The following LMO3 variants were observed in gnomAD, a reference collection of about 807,000 sequenced individuals.
The protein encoded by LMO3 is LIM domain only 3, also known as LIM domain only protein 3.
Under a neutral mutation model 15.8 loss-of-function variants are expected in LMO3, and 2 were observed. The ratio of observed to expected loss-of-function variants is 0.13; its 90% CI spans 0.05 to 0.40. The LOEUF (loss-of-function observed/expected upper bound fraction) is 0.40, where lower values mean the gene tolerates loss of function less well. Among genes scored for constraint, LMO3 ranks in the 10% least tolerant of loss-of-function variants. The pLI is 0.99. For synonymous variants in LMO3, 62 were observed against 63.8 expected (o/e 0.97, Z 0.13); for missense variants, 86 against 182.2 (o/e 0.47, Z 3.04).
upstream of LMO3, chr12:16,608,472 C>CGGTGACAT (rs1240642976): frequency 6.6e-6 from 1 of 152,116 alleles, no homozygotes; most frequent in African/African-American, 2.4e-5. This position sits in a 1 kb window ranked among gnomAD's most constrained non-coding sequence, Gnocchi z 4.1. Flanking sequence ...CCTCTGCCTA[C>CGGTGACAT]GGTGACATCA....
chr12:16,604,816 G>C lies in LMO3; in HGVS notation c.-9+1250C>G. On this transcript the variant is annotated intron_variant, in intron 1 of 3. Coordinates refer to ENST00000537304, the MANE Select transcript of LMO3 (RefSeq NM_018640.5). The surrounding 1 kb of genome is among the most constrained non-coding windows in gnomAD (Gnocchi z 5.3). ...AAGCAGAAAGGCTTTTGAGCGGCCA[G>C]GAGTGCAGAGCGCCAGCAAAGTGCA... 2 of 1,586,986 alleles carry C rather than the reference G, an allele frequency of 1.3e-6. No homozygotes were observed. Among genetic ancestry groups the C allele is most frequent in the South Asian group, 2.2e-5 (2 of 90,800 alleles).
At position 16,598,942 on chromosome 12, in the gene LMO3, A is replaced by C. The variant is rs1332122666; in HGVS notation, c.206+1713T>G. On this transcript the variant is annotated intron_variant, in intron 2 of 3. Coordinates refer to ENST00000537304, the MANE Select transcript of LMO3 (RefSeq NM_018640.5). This position sits in a 1 kb window ranked among gnomAD's most constrained non-coding sequence, Gnocchi z 4.3. ...GGGCTATATAAACTCCTTATTTGAA[A>C]TGGTAACATAAATCCACTTGAGATA... 1 of 314,114 alleles carries C rather than the reference A, an allele frequency of 3.2e-6. No homozygotes were observed. The highest frequency in any genetic ancestry group is 2.2e-5 in the African/African-American group (1 of 45,440). 19.5% of individuals were successfully genotyped at this position (314,114 alleles called of 1,614,324 possible). A position where few individuals can be genotyped will look rare whatever the true frequency, so the allele number is the denominator to read the frequency against.
rs149064646 is a variant in LMO3, at chr12:16,587,919, C to G, written c.206+12736G>C. ...TGCTACATTTCTCATGAAAGAAAAC[C>G]TTGATTTAATTTTAAATGAACAAAA... On this transcript the variant is annotated intron_variant, in intron 2 of 3. Transcript: ENST00000537304. This position sits in a 1 kb window ranked among gnomAD's most constrained non-coding sequence, Gnocchi z 4.3. 6.6e-6 allele frequency among the ~76,000 whole-genome samples: 1 copy of G among 152,152 alleles called. No homozygotes were observed. Among genetic ancestry groups the G allele is most frequent in the African/African-American group, 2.4e-5 (1 of 41,522 alleles).
chr12:16,567,698 C>T (rs2137402900), intron 2 of LMO3: 1 of 152,184 alleles, frequency 6.6e-6, no homozygotes, highest in Admixed American at 6.5e-5. Flanking sequence ...GTAGAGAAAC[C>T]TACACAGCCT....
Position 16,549,236 on chromosome 12 carries a change from A to C in LMO3, c.*1986T>G, listed in dbSNP as rs1391341792. ...TTGGTTATGCAAGTCCTTTCTCTTC[A>C]TGAAACAAGTGTAAGGCTCTAAGGC... On this transcript the variant is annotated 3_prime_UTR_variant, in exon 4 of 4. Coordinates refer to ENST00000537304, the MANE Select transcript of LMO3 (RefSeq NM_018640.5). The C allele has an allele frequency of 5.9e-5, 9 of 152,094 alleles. No homozygotes were observed. Among genetic ancestry groups the C allele is most frequent in the Admixed American group, 2.0e-4 (3 of 15,254 alleles). 9.4% of individuals were successfully genotyped at this position (152,094 alleles called of 1,614,324 possible).
At position 16,559,855 on chromosome 12, in the gene LMO3, G is replaced by T. The variant is rs1009176786; in HGVS notation, c.332+558C>A. 6.6e-6 allele frequency among the ~76,000 whole-genome samples: 1 copy of T among 151,738 alleles called. No individual in the cohort carries two copies. The highest frequency in any genetic ancestry group is 2.4e-5 in the African/African-American group (1 of 41,320). ...TGCACACCTGTACTCCCAGCTACTCGGGAGGCTGAGGCAGGAGGATTGCTT... is the reference window on the plus strand; with the variant it reads ...TGCACACCTGTACTCCCAGCTACTCTGGAGGCTGAGGCAGGAGGATTGCTT... On this transcript the variant is annotated intron_variant, in intron 3 of 3. Coordinates refer to ENST00000537304, the MANE Select transcript of LMO3 (RefSeq NM_018640.5). This position sits in a 1 kb window ranked among gnomAD's most constrained non-coding sequence, Gnocchi z 4.1.
chr12:16,604,966 C>T lies in LMO3; in HGVS notation c.-9+1100G>A. 1.3e-6 allele frequency: 2 copies of T among 1,597,888 alleles called. No individual in the cohort carries two copies. Among genetic ancestry groups the T allele is most frequent in the Non-Finnish European group, 1.7e-6 (2 of 1,179,544 alleles). ...CCCAAAGGTAGAAGTAGAAGGGGGT[C>T]TCCTTGATTTCGCTTAAGTGTGGAC... On this transcript the variant is annotated intron_variant, in intron 1 of 3. Coordinates refer to ENST00000537304, the MANE Select transcript of LMO3 (RefSeq NM_018640.5). The surrounding 1 kb of genome is among the most constrained non-coding windows in gnomAD (Gnocchi z 5.3).
Position 16,598,867 on chromosome 12 carries a change from G to A in LMO3, c.206+1788C>T, listed in dbSNP as rs1246602536. 1 of 216,950 alleles carries A rather than the reference G, an allele frequency of 4.6e-6. No individual in the cohort carries two copies. Among genetic ancestry groups the A allele is most frequent in the Non-Finnish European group, 9.7e-6 (1 of 102,760 alleles). The allele number at this position is 216,950 out of a possible 1,614,324, so 13.4% of individuals were successfully genotyped here. A position where few individuals can be genotyped will look rare whatever the true frequency, so the allele number is the denominator to read the frequency against. On this transcript the variant is annotated intron_variant, in intron 2 of 3. Transcript: ENST00000537304. This position sits in a 1 kb window ranked among gnomAD's most constrained non-coding sequence, Gnocchi z 4.3. Reference sequence around the variant, plus strand: ...GATATTTCAGTTGACATTCTTTCAAGTTTACTTAATTTTTGTCCTTTGGTT... The same window carrying A: ...GATATTTCAGTTGACATTCTTTCAAATTTACTTAATTTTTGTCCTTTGGTT...
In LMO3 at chr12:16,599,675, A is replaced by G. The variant is rs533038149; in HGVS notation, c.206+980T>C. The G allele has an allele frequency of 1.3e-5, 2 of 152,314 alleles. No homozygotes were observed. The highest frequency in any genetic ancestry group is 4.8e-5 in the African/African-American group (2 of 41,562). The allele number at this position is 152,314 out of a possible 1,614,324, so 9.4% of individuals were successfully genotyped here. A position where few individuals can be genotyped will look rare whatever the true frequency, so the allele number is the denominator to read the frequency against. On this transcript the variant is annotated intron_variant, in intron 2 of 3. Coordinates refer to ENST00000537304, the MANE Select transcript of LMO3 (RefSeq NM_018640.5). The surrounding 1 kb of genome is among the most constrained non-coding windows in gnomAD (Gnocchi z 4.1). ...TCATTTCTCTAATTTGATAGATCCT[A>G]CTTTATTAATATAAGTAATTTGCAG...
intron 3 of LMO3, among the ~76,000 whole-genome samples, chr12:16,557,437 T>C (rs1052886914): frequency 2.0e-5 from 3 of 151,776 alleles, no homozygotes; most frequent in Non-Finnish European, 2.9e-5. Flanking sequence ...CGTAGTTTTG[T>C]AGATTTCTGC....
At chr12:16,600,933 A>C (rs1423264769) in intron 1 of LMO3, 65 bp from the exon 2 acceptor site, 6 of 1,146,306 alleles carry the variant, frequency 5.2e-6, no homozygotes, top group Admixed American at 2.1e-5. Flanking sequence ...GACCTCAAAC[A>C]AGTTAAATAT....
At chr12:16,569,143 G>A (rs756410261) in intron 2 of LMO3, among the ~76,000 whole-genome samples, 20 of 152,134 alleles carry the variant, frequency 1.3e-4, no homozygotes, top group Non-Finnish European at 2.8e-4. Context: ...ATGGGTTGAC[G>A]CTTGGGCTAA....
chr12:16,594,292 G>A lies in LMO3; in HGVS notation c.206+6363C>T, dbSNP rs1591823706. ...CAAGAGGAAGTGCCATGTGTCAGCA[G>A]AAGTAATCATATACACAAACCAATT... is the stretch of plus-strand genomic sequence containing the variant. On this transcript the variant is annotated intron_variant, in intron 2 of 3. Coordinates refer to ENST00000537304, the MANE Select transcript of LMO3 (RefSeq NM_018640.5). 14 of 1,510,448 alleles carry A rather than the reference G, an allele frequency of 9.3e-6. No homozygotes were observed. The East Asian group carries it at 3.4e-4, about 37-fold the overall frequency. 93.6% of individuals were successfully genotyped at this position (1,510,448 alleles called of 1,614,324 possible).
intron 2 of LMO3, among the ~76,000 whole-genome samples, chr12:16,578,089 G>T (rs1227046216): frequency 6.6e-6 from 1 of 152,082 alleles, no homozygotes; most frequent in African/African-American, 2.4e-5. Flanking sequence ...TGTCCTCATT[G>T]CTCACGGCAC....
At chr12:16,609,476 T>C (rs1475230078), upstream of LMO3, among the ~76,000 whole-genome samples, 1 of 152,174 alleles carries the variant, frequency 6.6e-6, no homozygotes. Flanking sequence ...TGCGAAAGGA[T>C]TGCTATAAAG....
At position 16,591,354 on chromosome 12, in the gene LMO3, C is replaced by A. The variant is rs1386892087; in HGVS notation, c.206+9301G>T. 3.3e-5 allele frequency among the ~76,000 whole-genome samples: 5 copies of A among 151,894 alleles called. No homozygotes were observed. The highest frequency in any genetic ancestry group is 2.6e-4 in the Admixed American group (4 of 15,218). ...TTCATCAGGTCATTACTCAAGTCAC[C>A]GTCTCAGTGAGGCTGTCTGCACCCC... On this transcript the variant is annotated intron_variant, in intron 2 of 3. Transcript: ENST00000537304. This position sits in a 1 kb window ranked among gnomAD's most constrained non-coding sequence, Gnocchi z 4.1.
At chr12:16,566,649 A>G (rs547532974) in intron 2 of LMO3, among the ~76,000 whole-genome samples, 2 of 152,282 alleles carry the variant, frequency 1.3e-5, no homozygotes, top group African/African-American at 2.4e-5. Context: ...TCATAATTAA[A>G]TCTATATTAA....
intron 2 of LMO3, among the ~76,000 whole-genome samples, chr12:16,595,151 T>C (rs1188339078): frequency 6.6e-6 from 1 of 151,438 alleles, no homozygotes; most frequent in Non-Finnish European, 1.5e-5. Flanking sequence ...TTCATACTTA[T>C]TAAAAGATAA....
chr12:16,568,273 A>G (rs1272823922), intron 2 of LMO3, among the ~76,000 whole-genome samples: 2 of 152,248 alleles, frequency 1.3e-5, no homozygotes, highest in Non-Finnish European at 2.9e-5. Context: ...AAACAATTAC[A>G]GAATCCATTC....
Sources: gnomAD v4.1 joint callset for allele counts (sites outside exome capture counted in the v4.1 genomes callset) on GRCh38, gnomAD v4.1.1 for gene constraint, Gnocchi (gnomAD v3.1) non-coding constraint, MANE v1.5 for transcripts, NCBI Gene and HGNC (gene_info 2026-07-23, HGNC 2026-07-21) for gene names.